Variants in MKLN1 observed in about 807,000 individuals in gnomAD.
MKLN1 encodes muskelin 1, also known as muskelin.
A neutral mutation model predicts 99.0 loss-of-function variants in MKLN1; 18 were observed. The observed-to-expected ratio is 0.18, with a 90% CI of 0.13 to 0.27. The LOEUF (loss-of-function observed/expected upper bound fraction) is 0.27. Among genes scored for constraint, MKLN1 ranks in the 10% least tolerant of loss-of-function variants. The pLI is 1.00. For synonymous variants in MKLN1, 288 were observed against 293.2 expected (o/e 0.98, Z 0.18); for missense variants, 621 against 875.9 (o/e 0.71, Z 3.67).
chr7:131,200,489 A>G (rs1796711378), intron 2 of MKLN1, among the ~76,000 whole-genome samples: 1 of 152,234 alleles, frequency 6.6e-6, no homozygotes, highest in Non-Finnish European at 1.5e-5. Context: ...TAAAATGTGT[A>G]TGGTAGCTCC....
At chr7:131,205,012 T>C (rs1796787971) in intron 3 of MKLN1, among the ~76,000 whole-genome samples, 1 of 150,588 alleles carries the variant, frequency 6.6e-6, no homozygotes, top group Non-Finnish European at 1.5e-5. Flanking sequence ...GCAGGAGAAT[T>C]GCTTGAACCC....
intron 3 of MKLN1, among the ~76,000 whole-genome samples, chr7:131,303,072 A>G (rs1250182149): frequency 3.3e-5 from 5 of 152,188 alleles, no homozygotes; most frequent in Admixed American, 3.3e-4. Context: ...ACATGTTTCA[A>G]GGTCACAGCC....
chr7:131,162,786 AT>A (rs1412170952), intron 2 of MKLN1, among the ~76,000 whole-genome samples: 2 of 152,364 alleles, frequency 1.3e-5, no homozygotes, highest in East Asian at 3.9e-4. Context: ...AAAAAACAGA[AT>A]GTAAAATACT....
intron 1 of MKLN1, among the ~76,000 whole-genome samples, chr7:131,117,435 A>AAACAACAAC (rs35789698): frequency 1.3e-4 from 19 of 149,002 alleles, no homozygotes; most frequent in African/African-American, 2.7e-4. Flanking sequence ...ATCTCAGGAA[A>AAACAACAAC]AACAACAACA....
chr7:131,225,698 C>T (rs926034240), intron 3 of MKLN1, among the ~76,000 whole-genome samples: 2 of 152,308 alleles, frequency 1.3e-5, no homozygotes, highest in African/African-American at 4.8e-5. Context: ...GGTATTTCCT[C>T]TGACGTCACT....
chr7:131,247,716 C>A (rs919674263), intron 3 of MKLN1, among the ~76,000 whole-genome samples: 1 of 152,194 alleles, frequency 6.6e-6, no homozygotes, highest in East Asian at 1.9e-4. Flanking sequence ...TAGAACCTTA[C>A]AGCTGTTAAA....
At chr7:131,149,720 A>C (rs1026385676) in intron 2 of MKLN1, among the ~76,000 whole-genome samples, 2 of 152,252 alleles carry the variant, frequency 1.3e-5, no homozygotes, top group Non-Finnish European at 2.9e-5. Context: ...TGGGATGTAC[A>C]TGTAATTAGA....
At chr7:131,348,073 A>T (rs1799615392) in intron 1 of MKLN1, among the ~76,000 whole-genome samples, 1 of 152,208 alleles carries the variant, frequency 6.6e-6, no homozygotes, top group Non-Finnish European at 1.5e-5. Context: ...TATTACCTGT[A>T]ATAAACTTGA....
intron 3 of MKLN1, among the ~76,000 whole-genome samples, chr7:131,247,872 T>TTTTTGTTTTGTTTTGTTTTGTTTTG (rs149673100): frequency 8.6e-5 from 13 of 151,534 alleles, no homozygotes; most frequent in African/African-American, 3.2e-4. Context: ...GCTACTGCCT[T>TTTTTGTTTTGTTTTGTTTTGTTTTG]TTTTGTTTTG....
chr7:131,448,370 CAA>C (rs1796079240), intron 12 of MKLN1, among the ~76,000 whole-genome samples: 1 of 152,080 alleles, frequency 6.6e-6, no homozygotes, highest in Admixed American at 6.5e-5. Context: ...ACAGTATCGA[CAA>C]TTATTCTTCA....
chr7:131,428,994 G>A, intron 8 of MKLN1, 39 bp from the exon 9 acceptor site: 1 of 1,542,304 alleles, frequency 6.5e-7, no homozygotes, highest in Non-Finnish European at 8.9e-7. Flanking sequence ...TGCTTATTTT[G>A]TCCTTTTTTT....
At chr7:131,245,827 T>A (rs1797479221) in intron 3 of MKLN1, among the ~76,000 whole-genome samples, 1 of 152,228 alleles carries the variant, frequency 6.6e-6, no homozygotes, top group African/African-American at 2.4e-5. Context: ...TCAGAACGTA[T>A]CCCTGTCATT....
At chr7:131,300,754 C>G (rs1446296711) in intron 3 of MKLN1, among the ~76,000 whole-genome samples, 2 of 151,592 alleles carry the variant, frequency 1.3e-5, no homozygotes, top group Admixed American at 6.6e-5. Flanking sequence ...GCATTCATAC[C>G]ACCATCACCT....
intron 10 of MKLN1, among the ~76,000 whole-genome samples, chr7:131,442,558 A>AG (rs898387261): frequency 6.6e-6 from 1 of 152,182 alleles, no homozygotes; most frequent in Admixed American, 6.5e-5. Flanking sequence ...GGAAAAAAAA[A>AG]CAAATTATGA....
intron 3 of MKLN1, among the ~76,000 whole-genome samples, chr7:131,235,314 TGAGAGAGAGAGGGAGAGA>T (rs1049298823): frequency 6.9e-6 from 1 of 145,846 alleles, no homozygotes; most frequent in Non-Finnish European, 1.5e-5. Context: ...TGTGTGTATG[TGAGAGAGAGAGGGAGAGA>T]GAGAGAGAGA....
chr7:131,467,427 G>T (rs1796694700), intron 15 of MKLN1, among the ~76,000 whole-genome samples: 1 of 152,120 alleles, frequency 6.6e-6, no homozygotes, highest in Admixed American at 6.5e-5. Context: ...TGAGGGGGGT[G>T]GGAATATAGT....
intron 1 of MKLN1, among the ~76,000 whole-genome samples, chr7:131,141,371 T>C (rs1432969673): frequency 6.6e-6 from 1 of 152,222 alleles, no homozygotes; most frequent in Admixed American, 6.5e-5. Flanking sequence ...TAGTGAATGA[T>C]ATCCACTATC....
chr7:131,245,834 C>G lies in MKLN1; in HGVS notation c.-179+42860C>G, dbSNP rs373424078. On this transcript the variant is annotated intron_variant, in intron 3 of 7. Coordinates refer to the MKLN1 transcript ENST00000416992. ...TGCATTTCTCAGAACGTATCCCTGT[C>G]ATTAAACAACGCATGACTATAGTTT... Among the ~76,000 whole-genome samples the G allele has an allele frequency of 9.8e-5, 15 of 152,328 alleles. No homozygotes were observed. In the East Asian group the frequency reaches 2.5e-3, roughly 25 times the overall value.
intron 2 of MKLN1, among the ~76,000 whole-genome samples, chr7:131,143,647 A>G (rs1795773740): frequency 6.6e-6 from 1 of 151,916 alleles, no homozygotes; most frequent in Non-Finnish European, 1.5e-5. Context: ...GCAACATAGC[A>G]AGACCCCATC....
Sources: allele counts gnomAD v4.1 joint callset (sites outside exome capture counted in the v4.1 genomes callset), GRCh38; gene constraint gnomAD v4.1.1; transcripts MANE v1.5; gene names NCBI Gene and HGNC (gene_info 2026-07-23, HGNC 2026-07-21).